SOAT1: variants seen among roughly 807,000 people sequenced by gnomAD.
SOAT1 encodes acyl-coenzyme A:cholesterol acyltransferase 1.
A neutral mutation model predicts 69.5 loss-of-function variants in SOAT1; 55 were observed. That is an observed-to-expected ratio of 0.79 (90% CI 0.64 to 0.99). The LOEUF is 0.99. Among genes scored for constraint, SOAT1 ranks in the 50% least tolerant of loss-of-function variants. The pLI is 0.00. For missense variants in SOAT1, 580 were observed against 669.3 expected (o/e 0.87, Z 1.47); for synonymous variants, 231 against 224.7 (o/e 1.03, Z -0.25).
chr1:179,304,280 CTTTT>C (rs369740783), intron 2 of SOAT1, among the ~76,000 whole-genome samples: 1 of 137,866 alleles, frequency 7.3e-6, no homozygotes. Flanking sequence ...TCTTTCTCTC[CTTTT>C]TTTTTTTTTT....
chr1:179,329,225 G>A (rs1665890173), intron 3 of SOAT1, among the ~76,000 whole-genome samples: 1 of 152,004 alleles, frequency 6.6e-6, no homozygotes, highest in Admixed American at 6.6e-5. Flanking sequence ...TATAATCCTA[G>A]CTACTAGGGA....
rs1305227461 is a variant in SOAT1, at chr1:179,345,463, G to A, written c.1117+387G>A. Among the ~76,000 whole-genome samples, 4 of 152,220 alleles carry A rather than the reference G, an allele frequency of 2.6e-5. No individual in the cohort carries two copies. The East Asian group carries it at 5.8e-4, about 22-fold the overall frequency. ...TACTAGTAATCCATATTCTAATCCA[G>A]TGGATGGATTAAGATGTACTTTACC... On this transcript the variant is annotated intron_variant, in intron 11 of 15. Transcript: ENST00000367619.
chr1:179,328,265 AT>A (rs1202520946), intron 3 of SOAT1, among the ~76,000 whole-genome samples: 1 of 152,156 alleles, frequency 6.6e-6, no homozygotes, highest in Non-Finnish European at 1.5e-5. Context: ...ATGTTAAGCT[AT>A]TTCTTTTGGT....
chr1:179,339,614 T>A (rs1405452792), intron 6 of SOAT1, 69 bp downstream of exon 6: 1 of 1,003,454 alleles, frequency 1.0e-6, no homozygotes, highest in East Asian at 2.6e-5. Context: ...TAAATTTTGG[T>A]AAAGGGTAAA....
chr1:179,313,479 A>G (rs1399808015), intron 2 of SOAT1, among the ~76,000 whole-genome samples: 1 of 151,656 alleles, frequency 6.6e-6, no homozygotes. Flanking sequence ...AAAATTACAC[A>G]TGGTGATTCA....
chr1:179,321,589 C>T (rs979366978), intron 2 of SOAT1, among the ~76,000 whole-genome samples: 4 of 152,200 alleles, frequency 2.6e-5, no homozygotes, highest in Admixed American at 6.5e-5. Flanking sequence ...TATCCTCCAT[C>T]TCTAGCGCAG....
chr1:179,301,377 C>A (rs1664825846), intron 1 of SOAT1, among the ~76,000 whole-genome samples: 3 of 152,206 alleles, frequency 2.0e-5, no homozygotes, highest in African/African-American at 7.2e-5. Flanking sequence ...TCCTGTCCTC[C>A]TTTCTAGTCT....
intron 12 of SOAT1, among the ~76,000 whole-genome samples, 189 bp downstream of exon 12, chr1:179,347,886 C>T (rs1284692776): frequency 6.6e-6 from 1 of 152,176 alleles, no homozygotes; most frequent in Non-Finnish European, 1.5e-5. Context: ...CTTGTGTTTT[C>T]TTCTGTCTCT....
rs185074419 is a variant in SOAT1 at position 179,308,628 on chromosome 1, C to T, written c.118+5826C>T. Among the ~76,000 whole-genome samples, 79 of 148,520 alleles carry T rather than the reference C, an allele frequency of 5.3e-4. 1 individual carries two copies. In the East Asian group the frequency reaches 0.014, roughly 27 times the overall value. Reference sequence around the variant, plus strand: ...CGGAGGTTTCAGTGAGCCGAGACCGCGCCACTGCACTCTAGCCTGGGTGAC... The same window carrying T: ...CGGAGGTTTCAGTGAGCCGAGACCGTGCCACTGCACTCTAGCCTGGGTGAC... On this transcript the variant is annotated intron_variant, in intron 2 of 15. Transcript: ENST00000367619.
intron 1 of SOAT1, among the ~76,000 whole-genome samples, chr1:179,302,021 A>G (rs982982305): frequency 8.2e-6 from 1 of 121,682 alleles, no homozygotes; most frequent in Non-Finnish European, 1.7e-5. Context: ...GTTACTATTT[A>G]ATCCTTTTTT....
At chr1:179,324,798 A>AGTTTGTTT (rs138281309) in intron 3 of SOAT1, among the ~76,000 whole-genome samples, 23 of 151,588 alleles carry the variant, frequency 1.5e-4, no homozygotes, top group Non-Finnish European at 1.9e-4. Context: ...GACACATGCT[A>AGTTTGTTT]GTTTGTTTGT....
At chr1:179,350,177 C>A in intron 13 of SOAT1, 119 bp from the exon 14 acceptor site, 1 of 734,742 alleles carries the variant, frequency 1.4e-6, no homozygotes, top group Non-Finnish European at 2.2e-6. Flanking sequence ...AAGGAGTAGA[C>A]TTAGAAAATT....
chr1:179,295,667 G>T (rs1664606338), intron 1 of SOAT1, among the ~76,000 whole-genome samples: 1 of 152,222 alleles, frequency 6.6e-6, no homozygotes, highest in South Asian at 2.1e-4. Context: ...CCATGTTCAA[G>T]TGAATTTTAA....
At chr1:179,331,097 G>C (rs1346404389) in intron 3 of SOAT1, among the ~76,000 whole-genome samples, 1 of 152,084 alleles carries the variant, frequency 6.6e-6, no homozygotes, top group East Asian at 1.9e-4. Flanking sequence ...TCACCTTTTT[G>C]CTATGCAAGT....
intron 1 of SOAT1, among the ~76,000 whole-genome samples, chr1:179,301,815 G>A (rs1262295786): frequency 6.6e-6 from 1 of 152,108 alleles, no homozygotes; most frequent in South Asian, 2.1e-4. Context: ...GGGCTTATAA[G>A]GTCCTTGTTT....
At chr1:179,333,616 G>A (rs1666044054) in intron 3 of SOAT1, among the ~76,000 whole-genome samples, 2 of 152,104 alleles carry the variant, frequency 1.3e-5, no homozygotes, top group South Asian at 2.1e-4. Context: ...CGAGGCGGGC[G>A]AATCACCTGA....
chr1:179,308,394 G>A (rs557939861), intron 2 of SOAT1, among the ~76,000 whole-genome samples: 40 of 151,960 alleles, frequency 2.6e-4, no homozygotes, highest in African/African-American at 7.2e-4. Context: ...CCAGATGGCC[G>A]GGCACGGTGG....
chr1:179,345,187 A>G (rs558426534), intron 11 of SOAT1, 111 bp downstream of exon 11: 6 of 970,262 alleles, frequency 6.2e-6, no homozygotes, highest in South Asian at 4.6e-5. Context: ...ACTTCTATAC[A>G]TCTATGCCCA....
chr1:179,303,241 T>TG (rs1392043436), intron 2 of SOAT1, among the ~76,000 whole-genome samples: 1 of 152,208 alleles, frequency 6.6e-6, no homozygotes, highest in African/African-American at 2.4e-5. Context: ...ATTAGCAGGG[T>TG]GCCTAACCCA....
Sources: allele counts gnomAD v4.1 joint callset (sites outside exome capture counted in the v4.1 genomes callset), GRCh38; gene constraint gnomAD v4.1.1; transcripts MANE v1.5; gene names NCBI Gene and HGNC (gene_info 2026-07-23, HGNC 2026-07-21).